ARHGEF28: variants seen among roughly 807,000 people sequenced by gnomAD.
ARHGEF28 encodes Rho guanine nucleotide exchange factor 28.
Under a neutral mutation model 206.6 loss-of-function variants are expected in ARHGEF28, and 152 were observed. That is an observed-to-expected ratio of 0.74 (90% CI 0.64 to 0.84). The LOEUF (loss-of-function observed/expected upper bound fraction) is 0.84, where lower values mean the gene tolerates loss of function less well. Ranked by LOEUF, ARHGEF28 falls within the 40% of genes least tolerant of loss-of-function variation. The pLI is 0.00. For synonymous variants in ARHGEF28, 763 were observed against 776.4 expected, an observed-to-expected ratio of 0.98 and a Z score of 0.29; for missense variants, 2,028 against 2,073.2, an observed-to-expected ratio of 0.98 and a Z score of 0.42.
At chr5:73,710,208 C>T (rs1471335532) in intron 2 of ARHGEF28, among the ~76,000 whole-genome samples, 1 of 152,224 alleles carries the variant, frequency 6.6e-6, no homozygotes, top group Non-Finnish European at 1.5e-5. Context: ...CACATATTCA[C>T]CAGCATGTTG....
intron 35 of ARHGEF28, among the ~76,000 whole-genome samples, chr5:73,917,024 T>C (rs1763250717): frequency 6.6e-6 from 1 of 152,238 alleles, no homozygotes; most frequent in South Asian, 2.1e-4. Context: ...ATCCATTTCC[T>C]ATTTAGTGAA....
At chr5:73,898,968 T>C (rs1171833181) in intron 30 of ARHGEF28, 4 of 152,182 alleles carry the variant, frequency 2.6e-5, no homozygotes, top group African/African-American at 7.2e-5. Flanking sequence ...GATTGGAAGA[T>C]TAAATTGAAC....
intron 2 of ARHGEF28, among the ~76,000 whole-genome samples, chr5:73,745,246 A>G (rs1751661178): frequency 6.7e-6 from 1 of 148,580 alleles, no homozygotes; most frequent in East Asian, 1.9e-4. Context: ...GAGAGAAAAC[A>G]TGAGTACAGG....
At chr5:73,920,653 C>T (rs1580105416) in intron 35 of ARHGEF28, among the ~76,000 whole-genome samples, 1 of 150,032 alleles carries the variant, frequency 6.7e-6, no homozygotes, top group East Asian at 2.0e-4. Flanking sequence ...GGGTTCATGC[C>T]ATTCTCCTGC....
intron 9 of ARHGEF28, chr5:73,813,417 G>A (rs1755966327): frequency 3.7e-6 from 5 of 1,345,324 alleles, no homozygotes; most frequent in South Asian, 1.6e-5. Flanking sequence ...CTGAATGCCC[G>A]AAGGAAGCAA....
intron 9 of ARHGEF28, among the ~76,000 whole-genome samples, chr5:73,813,005 A>G (rs2112521717): frequency 6.6e-6 from 1 of 152,266 alleles, no homozygotes; most frequent in African/African-American, 2.4e-5. Flanking sequence ...AATGGTATGA[A>G]AGAATAGTCT....
chr5:73,797,949 A>G (rs2112492066), intron 9 of ARHGEF28, among the ~76,000 whole-genome samples: 1 of 152,278 alleles, frequency 6.6e-6, no homozygotes, highest in African/African-American at 2.4e-5. Context: ...TGAGCATGTG[A>G]CATGTGACTG....
intron 7 of ARHGEF28, among the ~76,000 whole-genome samples, chr5:73,790,335 A>C (rs1310732456): frequency 6.6e-6 from 1 of 152,016 alleles, no homozygotes; most frequent in Admixed American, 6.6e-5. Flanking sequence ...TTTTGTCTTT[A>C]AAAAAAGAAA....
Position 73,868,243 on chromosome 5 carries a change from A to G in ARHGEF28, c.2425+16A>G. ...ATAATGGAAGGTGAGGAGAAGACACACTTCCATTTATTTGTGTTTTTGTTA... is the reference window on the plus strand; with the variant it reads ...ATAATGGAAGGTGAGGAGAAGACACGCTTCCATTTATTTGTGTTTTTGTTA... On this transcript the variant is annotated intron_variant, in intron 20 of 35. Transcript: ENST00000513042. 5 of 1,549,680 alleles carry G rather than the reference A, an allele frequency of 3.2e-6. No individual in the cohort carries two copies. Among genetic ancestry groups the G allele is most frequent in the Non-Finnish European group, 4.4e-6 (5 of 1,143,922 alleles).
At chr5:73,668,969 TG>T (rs1161183935) in intron 1 of ARHGEF28, among the ~76,000 whole-genome samples, 1 of 152,192 alleles carries the variant, frequency 6.6e-6, no homozygotes, top group African/African-American at 2.4e-5. Flanking sequence ...ACCAGAAGAA[TG>T]TTTTTTTTTC....
chr5:73,907,330 C>G (rs2112720595), intron 33 of ARHGEF28, among the ~76,000 whole-genome samples: 1 of 148,398 alleles, frequency 6.7e-6, no homozygotes, highest in African/African-American at 2.5e-5. Flanking sequence ...TGTGTAGATT[C>G]AAGGTTCGGA....
At chr5:73,897,060 T>C (rs1761998870) in intron 29 of ARHGEF28, among the ~76,000 whole-genome samples, 1 of 152,244 alleles carries the variant, frequency 6.6e-6, no homozygotes, top group South Asian at 2.1e-4. Flanking sequence ...ATCGTCTTCC[T>C]GGGACTTCAC....
intron 4 of ARHGEF28, among the ~76,000 whole-genome samples, chr5:73,766,056 G>A (rs1423724352): frequency 6.6e-6 from 1 of 151,832 alleles, no homozygotes; most frequent in African/African-American, 2.4e-5. Context: ...GGAGCCTGAG[G>A]CAGGAGAATG....
At chr5:73,901,141 T>G (rs1202618317) in intron 30 of ARHGEF28, 43 bp from the exon 31 acceptor site, 2 of 1,564,306 alleles carry the variant, frequency 1.3e-6, no homozygotes, top group Non-Finnish European at 8.7e-7. Flanking sequence ...GGCCGATGTT[T>G]GACGCTGTCC....
chr5:73,940,214 T>A (rs141974042), intron 35 of ARHGEF28, among the ~76,000 whole-genome samples: 85 of 152,302 alleles, frequency 5.6e-4, no homozygotes, highest in African/African-American at 1.9e-3. Flanking sequence ...GAATACACAG[T>A]GTCCTGCTGT....
chr5:73,864,518 G>A (rs1429472421), intron 16 of ARHGEF28, among the ~76,000 whole-genome samples: 3 of 152,176 alleles, frequency 2.0e-5, no homozygotes, highest in African/African-American at 4.8e-5. Flanking sequence ...AGTTCTCAGG[G>A]AGACACAGAA....
intron 2 of ARHGEF28, among the ~76,000 whole-genome samples, chr5:73,730,932 A>G (rs1408274782): frequency 6.6e-6 from 1 of 151,850 alleles, no homozygotes; most frequent in East Asian, 1.9e-4. Flanking sequence ...TCTTTGGGAC[A>G]GTATGTACTG....
chr5:73,664,978 C>T (rs1203815517), intron 1 of ARHGEF28, among the ~76,000 whole-genome samples: 3 of 152,114 alleles, frequency 2.0e-5, no homozygotes, highest in African/African-American at 7.2e-5. Context: ...GTTCTTATTT[C>T]CCACTACTTC....
At chr5:73,833,828 C>A (rs1484332748) in intron 10 of ARHGEF28, among the ~76,000 whole-genome samples, 1 of 152,082 alleles carries the variant, frequency 6.6e-6, no homozygotes, top group African/African-American at 2.4e-5. Context: ...AGGGAAGCCC[C>A]TTATAAAACC....
Sources: allele counts gnomAD v4.1 joint callset (sites outside exome capture counted in the v4.1 genomes callset), GRCh38; gene constraint gnomAD v4.1.1; transcripts MANE v1.5; gene names NCBI Gene and HGNC (gene_info 2026-07-23, HGNC 2026-07-21).